The following CCDC171 variants were observed in gnomAD, a reference collection of about 807,000 sequenced individuals.
The protein encoded by CCDC171 is coiled-coil domain containing 171.
Under a neutral mutation model 168.2 loss-of-function variants are expected in CCDC171, and 177 were observed. The ratio of observed to expected loss-of-function variants is 1.05; its 90% CI spans 0.93 to 1.19. The LOEUF (loss-of-function observed/expected upper bound fraction) is 1.19. Among genes scored for constraint, CCDC171 ranks in the 50% most tolerant of loss-of-function variants. The pLI, the probability that CCDC171 is intolerant of heterozygous loss-of-function variation, is 0.00. For missense variants in CCDC171, 1,991 were observed against 1,539.0 expected (o/e 1.29, Z -4.91); for synonymous variants, 687 against 540.8 (o/e 1.27, Z -3.75).
At chr9:15,994,291 A>G (rs550599583) in intron 3 of CCDC171, among the ~76,000 whole-genome samples, 178 of 152,314 alleles carry the variant, frequency 1.2e-3, no homozygotes, top group Non-Finnish European at 1.6e-3. Flanking sequence ...TTGTAGGGAC[A>G]TGGATGAAGC....
At chr9:15,776,408 T>G (rs903122826) in intron 18 of CCDC171, 1 of 152,212 alleles carries the variant, frequency 6.6e-6, no homozygotes, top group African/African-American at 2.4e-5. Flanking sequence ...GCATATAGAA[T>G]TAAACTTATA....
chr9:15,875,628 C>A (rs1283811741), intron 24 of CCDC171: 5 of 151,762 alleles, frequency 3.3e-5, no homozygotes, highest in Non-Finnish European at 1.5e-5. Flanking sequence ...TTAAAATAAT[C>A]TTTTTCATTT....
intron 7 of CCDC171, among the ~76,000 whole-genome samples, chr9:15,634,663 A>G (rs963189433): frequency 2.0e-5 from 3 of 152,200 alleles, no homozygotes; most frequent in African/African-American, 7.2e-5. Flanking sequence ...TGTAATTTGC[A>G]TATTATAAAT....
chr9:15,589,606 AG>A (rs1428161863), intron 4 of CCDC171, among the ~76,000 whole-genome samples: 31 of 152,330 alleles, frequency 2.0e-4, no homozygotes, highest in African/African-American at 5.5e-4. Context: ...TTTGAAGAAG[AG>A]GGTTTGAAAG....
intron 21 of CCDC171, among the ~76,000 whole-genome samples, chr9:15,823,613 A>T (rs2059889257): frequency 6.6e-6 from 1 of 152,130 alleles, no homozygotes; most frequent in South Asian, 2.1e-4. Flanking sequence ...AATTGCAAAG[A>T]ACTTGACAAT....
At chr9:15,668,987 A>C (rs1043157118) in intron 9 of CCDC171, among the ~76,000 whole-genome samples, 12 of 152,104 alleles carry the variant, frequency 7.9e-5, no homozygotes, top group African/African-American at 2.9e-4. Context: ...GGAGTTTTGG[A>C]GCAGTATATT....
chr9:16,071,540 C>G, the CCDC171 span, among the ~76,000 whole-genome samples: 2 of 152,198 alleles, frequency 1.3e-5, no homozygotes. Flanking sequence ...TCTTGCCTGT[C>G]CCCAGTGCCT....
chr9:16,093,569 T>G, the CCDC171 span, among the ~76,000 whole-genome samples: 121 of 152,210 alleles, frequency 7.9e-4, no homozygotes, highest in Non-Finnish European at 2.6e-4. Context: ...GAGAAAAGAA[T>G]AGTAATTTAA....
chr9:15,608,819 G>T (rs76437822), intron 6 of CCDC171, among the ~76,000 whole-genome samples: 8,728 of 149,894 alleles, frequency 0.058, 334 homozygotes, highest in Middle Eastern at 0.11. Context: ...TTAGCCAGGC[G>T]TAGTGGCATA....
At chr9:15,607,482 G>A (rs1462963631) in intron 6 of CCDC171, among the ~76,000 whole-genome samples, 1 of 150,432 alleles carries the variant, frequency 6.6e-6, no homozygotes, top group African/African-American at 2.4e-5. Flanking sequence ...TTTTCTTTTA[G>A]ACAGGGTCTC....
chr9:15,925,177 AC>A (rs1049771742), intron 25 of CCDC171, among the ~76,000 whole-genome samples: 2 of 151,644 alleles, frequency 1.3e-5, no homozygotes, highest in African/African-American at 4.8e-5. Flanking sequence ...AAGACAATGC[AC>A]TGAAAGGAAA....
rs374659995 is a variant in CCDC171 at position 15,921,716 on chromosome 9, A to G, written c.3753+1294A>G. On this transcript the variant is annotated intron_variant, in intron 25 of 25. Transcript: ENST00000380701. ...TTAAAATGACTTTGTTAATTTCTTA[A>G]TGAGAGATTAGTAAATTTGACCTCC... 5.3e-5 allele frequency among the ~76,000 whole-genome samples: 8 copies of G among 151,740 alleles called. No homozygotes were observed. In the East Asian group the frequency reaches 1.4e-3, roughly 26 times the overall value.
intron 8 of CCDC171, among the ~76,000 whole-genome samples, chr9:15,660,343 C>T (rs963424585): frequency 2.6e-5 from 4 of 151,790 alleles, no homozygotes; most frequent in South Asian, 2.1e-4. Context: ...ATTTAGATTC[C>T]GGGGGTACAT....
intron 7 of CCDC171, among the ~76,000 whole-genome samples, chr9:15,651,496 A>G (rs540183823): frequency 2.6e-5 from 4 of 151,826 alleles, no homozygotes; most frequent in Non-Finnish European, 2.9e-5. Flanking sequence ...ACCTCAAGCA[A>G]TCCTCTCACC....
chr9:15,967,681 T>G (rs903961617), intron 25 of CCDC171, among the ~76,000 whole-genome samples: 2 of 152,226 alleles, frequency 1.3e-5, no homozygotes. Context: ...CCAGTCAGAT[T>G]GTAAAAGAAC....
intron 9 of CCDC171, among the ~76,000 whole-genome samples, chr9:15,666,840 A>G (rs1214637176): frequency 6.6e-6 from 1 of 152,140 alleles, no homozygotes; most frequent in Non-Finnish European, 1.5e-5. Context: ...ATGAAGATGG[A>G]TAATATTTGA....
chr9:15,905,372 T>C (rs952132864), intron 24 of CCDC171, among the ~76,000 whole-genome samples: 2 of 152,170 alleles, frequency 1.3e-5, no homozygotes, highest in Admixed American at 6.5e-5. Context: ...AGAAGCTCAC[T>C]CACAACCGCT....
At chr9:15,763,557 AAC>A (rs1452815735) in intron 18 of CCDC171, among the ~76,000 whole-genome samples, 1 of 152,142 alleles carries the variant, frequency 6.6e-6, no homozygotes, top group Non-Finnish European at 1.5e-5. Context: ...GAATACAAAA[AAC>A]ACTCTAATCA....
chr9:15,623,475 G>GCACACACACA (rs1554714957), intron 7 of CCDC171, 62 bp downstream of exon 7: 42,925 of 312,836 alleles, frequency 0.14, 2,547 homozygotes, highest in Non-Finnish European at 0.16. Context: ...GCGCGCGCGC[G>GCACACACACA]CACACACACA....
Sources: gnomAD v4.1 joint callset for allele counts (sites outside exome capture counted in the v4.1 genomes callset) on GRCh38, gnomAD v4.1.1 for gene constraint, MANE v1.5 for transcripts, NCBI Gene and HGNC (gene_info 2026-07-23, HGNC 2026-07-21) for gene names.